The following PPA2 variants were observed in gnomAD, a reference collection of about 807,000 sequenced individuals.
The protein encoded by PPA2 is inorganic pyrophosphatase 2, mitochondrial.
In PPA2, 48 loss-of-function variants were observed where a neutral mutation model predicts 49.5. That is an observed-to-expected ratio of 0.97 (90% CI 0.77 to 1.23). The LOEUF (loss-of-function observed/expected upper bound fraction) is 1.23. PPA2 is among the 50% of genes most tolerant of loss of function. The pLI, the probability that PPA2 is intolerant of heterozygous loss-of-function variation, is 0.00. For missense variants in PPA2, 429 were observed against 410.1 expected (o/e 1.05, Z -0.40); for synonymous variants, 131 against 139.9 (o/e 0.94, Z 0.45).
At chr4:105,453,091 C>A (rs1233980594) in intron 3 of PPA2, among the ~76,000 whole-genome samples, 3 of 152,092 alleles carry the variant, frequency 2.0e-5, no homozygotes, top group African/African-American at 4.8e-5. Context: ...TTACTTTAGA[C>A]CATCTACCAA....
intron 8 of PPA2, 93 bp downstream of exon 8, chr4:105,398,944 T>G: frequency 7.3e-7 from 1 of 1,363,510 alleles, no homozygotes; most frequent in Non-Finnish European, 1.0e-6. Context: ...AACCATGCTA[T>G]ATATACATAT....
At chr4:105,387,238 T>C (rs1733720159) in intron 9 of PPA2, among the ~76,000 whole-genome samples, 1 of 152,144 alleles carries the variant, frequency 6.6e-6, no homozygotes, top group African/African-American at 2.4e-5. Flanking sequence ...ACTGCCACTC[T>C]CTAGATGAAA....
At chr4:105,468,463 T>C (rs549395319) in intron 1 of PPA2, among the ~76,000 whole-genome samples, 2 of 152,310 alleles carry the variant, frequency 1.3e-5, no homozygotes, top group African/African-American at 4.8e-5. Flanking sequence ...CTGTAAAAAG[T>C]ACTGCTGATA....
At position 105,370,693 on chromosome 4, in the gene PPA2, T is replaced by C. The variant is rs1158826098; in HGVS notation, c.976+144A>G. 3 of 1,156,508 alleles carry C rather than the reference T, an allele frequency of 2.6e-6. No homozygotes were observed. In the African/African-American group the frequency reaches 4.9e-5, roughly 19 times the overall value. The allele number at this position is 1,156,508 out of a possible 1,614,324, so 71.6% of individuals were successfully genotyped here. A position where few individuals can be genotyped will look rare whatever the true frequency, so the allele number is the denominator to read the frequency against. The stretch of plus-strand genomic sequence containing the variant: ...TTAGAAAATATTTCATCTGAAATTT[T>C]AGCGACTATTTTAAAAATATTTCAC... On this transcript the variant is annotated intron_variant, in intron 11 of 11. Transcript: ENST00000341695.
intron 7 of PPA2, among the ~76,000 whole-genome samples, chr4:105,400,559 G>A (rs1316642216): frequency 6.6e-6 from 1 of 152,184 alleles, no homozygotes; most frequent in African/African-American, 2.4e-5. Flanking sequence ...CATTAGTCCA[G>A]GAGGTGGAGG....
chr4:105,426,480 A>C lies in PPA2; in HGVS notation c.529-2158T>G, dbSNP rs548376046. ...CTGGAGGAATGGTGCACACCTGCCCAAAATACCATGCTTTTCCCATGGTCT... is the reference window on the plus strand; with the variant it reads ...CTGGAGGAATGGTGCACACCTGCCCCAAATACCATGCTTTTCCCATGGTCT... On this transcript the variant is annotated intron_variant, in intron 6 of 11. Transcript: ENST00000341695. Among the ~76,000 whole-genome samples, 17 of 152,340 alleles carry C rather than the reference A, an allele frequency of 1.1e-4. No individual in the cohort carries two copies. The South Asian group carries it at 3.5e-3, about 32-fold the overall frequency.
At chr4:105,396,097 TA>T in intron 9 of PPA2, 151 bp downstream of exon 9, 2 of 429,164 alleles carry the variant, frequency 4.7e-6, no homozygotes, top group Non-Finnish European at 8.4e-6. Flanking sequence ...CCTAGTTTAA[TA>T]GTGCCCAACA....
At chr4:105,407,195 C>A (rs1355336866) in intron 7 of PPA2, 3 of 150,180 alleles carry the variant, frequency 2.0e-5, no homozygotes, top group Admixed American at 1.3e-4. Flanking sequence ...AAACTAAGAT[C>A]TACAGATCTT....
At chr4:105,427,382 C>T (rs1334112557) in intron 6 of PPA2, among the ~76,000 whole-genome samples, 1 of 151,954 alleles carries the variant, frequency 6.6e-6, no homozygotes, top group Non-Finnish European at 1.5e-5. Context: ...TTCAGAAGGT[C>T]GATAATAACA....
chr4:105,389,744 C>T (rs891473876), intron 9 of PPA2, among the ~76,000 whole-genome samples: 17 of 152,070 alleles, frequency 1.1e-4, no homozygotes, highest in African/African-American at 4.1e-4. Context: ...TATGAGAATC[C>T]TCAAAGACAG....
chr4:105,374,402 ATAAT>A (rs1181036652), intron 10 of PPA2, among the ~76,000 whole-genome samples: 2 of 152,202 alleles, frequency 1.3e-5, no homozygotes, highest in African/African-American at 4.8e-5. Flanking sequence ...CTTTTATTAA[ATAAT>A]TAATTAATAA....
At chr4:105,409,406 C>G (rs1402503241) in intron 7 of PPA2, among the ~76,000 whole-genome samples, 1 of 152,260 alleles carries the variant, frequency 6.6e-6, no homozygotes, top group Non-Finnish European at 1.5e-5. Flanking sequence ...GAAGCTCAAA[C>G]TGGGTGGACC....
intron 7 of PPA2, among the ~76,000 whole-genome samples, chr4:105,414,459 C>A (rs533193224): frequency 6.6e-6 from 1 of 152,342 alleles, no homozygotes; most frequent in Admixed American, 6.5e-5. Context: ...ATGCCAAGGG[C>A]AAGCCAGGTA....
At position 105,472,814 on chromosome 4, in the gene PPA2, T is replaced by A. The variant is rs78439825; in HGVS notation, c.157+1080A>T. Among the ~76,000 whole-genome samples, 618 of 152,314 alleles carry A rather than the reference T, an allele frequency of 4.1e-3. 10 individuals are homozygous for A. The East Asian group carries it at 0.041, about 10-fold the overall frequency. On this transcript the variant is annotated intron_variant, in intron 1 of 11. Transcript: ENST00000341695. ...GCAAATCTCTCATAAATTACAAATA[T>A]CTATAATGATTATCGGTATTAACAA...
intron 6 of PPA2, among the ~76,000 whole-genome samples, chr4:105,431,894 G>A (rs1044915844): frequency 6.6e-6 from 1 of 152,152 alleles, no homozygotes; most frequent in African/African-American, 2.4e-5. Flanking sequence ...ATAGTATAGA[G>A]ACAGTAAATT....
intron 10 of PPA2, among the ~76,000 whole-genome samples, chr4:105,373,766 T>TACACACACACACACAC (rs36109695): frequency 4.0e-5 from 6 of 148,290 alleles, no homozygotes; most frequent in African/African-American, 1.5e-4. Context: ...TATATTTAAA[T>TACACACACACACACAC]ACACACACAC....
Position 105,446,411 on chromosome 4 carries a change from T to C in PPA2, c.413A>G (p.Tyr138Cys). Residue 138 changes from tyrosine to cysteine, a missense_variant, in exon 5 of 12, where the codon TAT becomes TGT. Coordinates refer to ENST00000341695, the MANE Select transcript of PPA2 (RefSeq NM_176869.3). Reference sequence around the variant, plus strand: ...AGGGAGGGTACCATAATTCCATATATAACCCTTGTAAGGGAAGATATTCGC... The same window carrying C: ...AGGGAGGGTACCATAATTCCATATACAACCCTTGTAAGGGAAGATATTCGC... ...YVANIFPYKG[Y>C]IWNYGTLPQT... The C allele has an allele frequency of 6.2e-7, 1 of 1,601,796 alleles. No homozygotes were observed. The highest frequency in any genetic ancestry group is 1.7e-5 in the Admixed American group (1 of 58,082).
At chr4:105,459,762 A>G (rs1018627858) in intron 1 of PPA2, among the ~76,000 whole-genome samples, 18 of 152,262 alleles carry the variant, frequency 1.2e-4, no homozygotes, top group Non-Finnish European at 1.3e-4. Context: ...CACTATTGAT[A>G]CACACAATAA....
intron 10 of PPA2, among the ~76,000 whole-genome samples, chr4:105,373,766 TACACACACACAC>T: frequency 6.7e-6 from 1 of 148,388 alleles, no homozygotes; most frequent in East Asian, 2.0e-4. Flanking sequence ...TATATTTAAA[TACACACACACAC>T]ACACACACAC....
Sources: allele counts gnomAD v4.1 joint callset (sites outside exome capture counted in the v4.1 genomes callset), GRCh38; gene constraint gnomAD v4.1.1; transcripts MANE v1.5; gene names NCBI Gene and HGNC (gene_info 2026-07-23, HGNC 2026-07-21).